The following MRPL33 variants were observed in gnomAD, a reference collection of about 807,000 sequenced individuals.
MRPL33 encodes large ribosomal subunit protein bL33m.
MRPL33 carries 5 observed loss-of-function variants against 10.1 expected under a neutral mutation model. The ratio of observed to expected loss-of-function variants is 0.49; its 90% CI spans 0.26 to 1.04. MRPL33 has a LOEUF of 1.04. Among genes scored for constraint, MRPL33 ranks in the 50% least tolerant of loss-of-function variants. The pLI is 0.14. For synonymous variants in MRPL33, 24 were observed against 27.7 expected, an observed-to-expected ratio of 0.87 and a Z score of 0.42; for missense variants, 79 against 78.1, an observed-to-expected ratio of 1.01 and a Z score of -0.04.
chr2:27,778,470 T>G (rs1239596160), intron 3 of MRPL33, among the ~76,000 whole-genome samples: 1 of 152,022 alleles, frequency 6.6e-6, no homozygotes, highest in Admixed American at 6.6e-5. Context: ...TGGGTGTGTG[T>G]GTGAGAGAGA....
At chr2:27,772,807 A>G in intron 2 of MRPL33, 115 bp downstream of exon 2, 1 of 828,960 alleles carries the variant, frequency 1.2e-6, no homozygotes, top group Non-Finnish European at 1.9e-6. Flanking sequence ...ATTTCCTAAG[A>G]GTTGGTTTGT....
chr2:27,777,370 ACT>A (rs1677196690), intron 3 of MRPL33, among the ~76,000 whole-genome samples: 1 of 129,936 alleles, frequency 7.7e-6, no homozygotes. Context: ...TTAATCTAAA[ACT>A]TTTTTTTTTT....
Position 27,774,711 on chromosome 2 carries a change from A to G in MRPL33, c.148+181A>G, listed in dbSNP as rs1677116687. Among the ~76,000 whole-genome samples, 4 of 152,226 alleles carry G rather than the reference A, an allele frequency of 2.6e-5. No homozygotes were observed. In the South Asian group the frequency reaches 8.3e-4, roughly 31 times the overall value. On this transcript the variant is annotated intron_variant, in intron 3 of 3. Transcript: ENST00000296102. Reference sequence around the variant, plus strand: ...GTGCTGGGATACACCAGGACACAAGACAAGTCCCTGTACTCTTGGCACTTA... The same window carrying G: ...GTGCTGGGATACACCAGGACACAAGGCAAGTCCCTGTACTCTTGGCACTTA...
chr2:27,772,061 C>T (rs1038708684), intron 1 of MRPL33: 2 of 455,140 alleles, frequency 4.4e-6, no homozygotes, highest in Non-Finnish European at 7.8e-6. Flanking sequence ...GGCTGTGGGG[C>T]GTTTTTCTCC....
chr2:27,772,364 G>C, intron 1 of MRPL33: 1 of 314,468 alleles, frequency 3.2e-6, no homozygotes, highest in Non-Finnish European at 5.8e-6. Flanking sequence ...TTGCACCTTA[G>C]AAGAGGGAAA....
At chr2:27,778,396 G>A (rs909143995) in intron 3 of MRPL33, among the ~76,000 whole-genome samples, 2 of 151,974 alleles carry the variant, frequency 1.3e-5, no homozygotes, top group South Asian at 4.2e-4. Context: ...TCCATTTCTG[G>A]TGTTTTCTTG....
At chr2:27,774,895 G>C (rs1677120408) in intron 3 of MRPL33, among the ~76,000 whole-genome samples, 2 of 152,212 alleles carry the variant, frequency 1.3e-5, no homozygotes, top group Non-Finnish European at 2.9e-5. Flanking sequence ...AGTTAACCGA[G>C]ACCTGAAGGT....
At chr2:27,779,354 G>A in intron 3 of MRPL33, 79 bp from the exon 4 acceptor site, 1 of 1,452,630 alleles carries the variant, frequency 6.9e-7, no homozygotes, top group South Asian at 1.4e-5. Flanking sequence ...GAGGGCTTAT[G>A]GTCTGATATG....
chr2:27,771,869 G>A (rs781095992), intron 1 of MRPL33, 70 bp downstream of exon 1: 4 of 1,467,140 alleles, frequency 2.7e-6, no homozygotes, highest in Non-Finnish European at 3.8e-6. Flanking sequence ...CAGGGCCCCG[G>A]AATGATGCGG....
chr2:27,771,975 G>A, intron 1 of MRPL33, 176 bp downstream of exon 1: 1 of 670,124 alleles, frequency 1.5e-6, no homozygotes. Flanking sequence ...GCGCCTCCCT[G>A]CGCGGACCTG....
At chr2:27,774,650 A>T in intron 3 of MRPL33, 120 bp downstream of exon 3, 2 of 719,664 alleles carry the variant, frequency 2.8e-6, no homozygotes, top group Non-Finnish European at 4.9e-6. Context: ...GTAAATAGGT[A>T]TTGAATGATT....
At chr2:27,776,076 A>G (rs968508214) in intron 3 of MRPL33, among the ~76,000 whole-genome samples, 1 of 152,254 alleles carries the variant, frequency 6.6e-6, no homozygotes, top group Non-Finnish European at 1.5e-5. Context: ...TTAGGAACTT[A>G]ATAATTGTCA....
chr2:27,772,536 A>G, intron 1 of MRPL33, 138 bp from the exon 2 acceptor site: 1 of 647,558 alleles, frequency 1.5e-6, no homozygotes, highest in Non-Finnish European at 2.6e-6. Context: ...GGGAATAGTT[A>G]CTTGAGTGAC....
chr2:27,773,036 C>T (rs1032925554), intron 2 of MRPL33, among the ~76,000 whole-genome samples: 3 of 152,148 alleles, frequency 2.0e-5, no homozygotes, highest in African/African-American at 7.2e-5. Context: ...AATCGAGGAC[C>T]AGGGGCCATG....
chr2:27,775,740 T>G (rs1449861652), intron 3 of MRPL33, among the ~76,000 whole-genome samples: 2 of 152,236 alleles, frequency 1.3e-5, no homozygotes, highest in Admixed American at 1.3e-4. Context: ...TTAAAGTTTC[T>G]TGTGTTCCAT....
intron 1 of MRPL33, 93 bp downstream of exon 1, chr2:27,771,892 G>A: frequency 3.8e-6 from 5 of 1,303,970 alleles, no homozygotes; most frequent in Non-Finnish European, 5.4e-6. Context: ...AAGGATGTGC[G>A]AACAGGACGG....
intron 3 of MRPL33, 57 bp from the exon 4 acceptor site, chr2:27,779,376 A>C (rs963015963): frequency 8.4e-6 from 13 of 1,543,696 alleles, no homozygotes; most frequent in Non-Finnish European, 1.0e-5. Context: ...ATTTTTTATA[A>C]AAATGGCGAT....
At chr2:27,778,102 TTAA>T (rs1677210408) in intron 3 of MRPL33, among the ~76,000 whole-genome samples, 1 of 152,172 alleles carries the variant, frequency 6.6e-6, no homozygotes, top group African/African-American at 2.4e-5. Context: ...TGTTGACAGG[TTAA>T]TGATTCTTAA....
rs1332764315 is a variant in MRPL33 at position 27,779,534 on chromosome 2, A to C, written c.*52A>C. ...TATAAAGAGAAGACTGAGGGCGGGG[A>C]TACTGATTCAGAAATCCTGTAGCGT... On this transcript the variant is annotated 3_prime_UTR_variant, in exon 4 of 4. Coordinates refer to ENST00000296102, the MANE Select transcript of MRPL33 (RefSeq NM_004891.4). 1.2e-6 allele frequency: 2 copies of C among 1,611,648 alleles called. No individual in the cohort carries two copies. The highest frequency in any genetic ancestry group is 1.7e-6 in the Non-Finnish European group (2 of 1,179,354).
Sources: gnomAD v4.1 joint callset for allele counts (sites outside exome capture counted in the v4.1 genomes callset) on GRCh38, gnomAD v4.1.1 for gene constraint, MANE v1.5 for transcripts, NCBI Gene and HGNC (gene_info 2026-07-23, HGNC 2026-07-21) for gene names.